NELL1: variants seen among roughly 807,000 people sequenced by gnomAD.
The protein encoded by NELL1 is neural EGFL like 1, also known as protein kinase C-binding protein NELL1.
NELL1 carries 76 observed loss-of-function variants against 107.4 expected under a neutral mutation model. The ratio of observed to expected loss-of-function variants is 0.71; its 90% CI spans 0.59 to 0.86. The LOEUF is 0.86. NELL1 is among the 40% of genes least tolerant of loss of function. The probability of loss-of-function intolerance (pLI) is 0.00; values close to 1 mark genes in which losing one functional copy is unlikely to be tolerated. For synonymous variants in NELL1, 353 were observed against 341.2 expected, an observed-to-expected ratio of 1.03 and a Z score of -0.38; for missense variants, 1,024 against 1,005.5, an observed-to-expected ratio of 1.02 and a Z score of -0.25.
chr11:21,041,623 C>A (rs778163353), intron 12 of NELL1, among the ~76,000 whole-genome samples: 1 of 152,058 alleles, frequency 6.6e-6, no homozygotes, highest in Non-Finnish European at 1.5e-5. Flanking sequence ...GGGTCTGATT[C>A]AAAAATTCAA....
At chr11:21,137,282 G>C (rs1284774648) in intron 13 of NELL1, among the ~76,000 whole-genome samples, 1 of 152,228 alleles carries the variant, frequency 6.6e-6, no homozygotes, top group East Asian at 1.9e-4. Context: ...CCCATGTAGA[G>C]ACCTGGAGGT....
Position 20,730,726 on chromosome 11 carries a change from A to C in NELL1, c.184+52666A>C, listed in dbSNP as rs1472603934. On this transcript the variant is annotated intron_variant, in intron 2 of 19. Coordinates refer to ENST00000357134, the MANE Select transcript of NELL1 (RefSeq NM_006157.5). The stretch of plus-strand genomic sequence containing the variant: ...GTGAAAGCCAGCAAGGTTTGGGATC[A>C]TTTAACCTTGAGAGCAGCAGACTGA... Among the ~76,000 whole-genome samples, 5 of 152,314 alleles carry C rather than the reference A, an allele frequency of 3.3e-5. No individual in the cohort carries two copies. In the South Asian group the frequency reaches 8.3e-4, roughly 25 times the overall value.
Position 20,913,329 on chromosome 11 carries a change from G to A in NELL1, c.604-4853G>A, listed in dbSNP as rs1236624192. 2.6e-5 allele frequency among the ~76,000 whole-genome samples: 4 copies of A among 152,056 alleles called. No individual in the cohort carries two copies. In the East Asian group the frequency reaches 5.8e-4, roughly 22 times the overall value. ...TTTTCTTCAATGTAAACAGAGATCT[G>A]CAGGGAAATAAGAGCGTTAAAAAAG... On this transcript the variant is annotated intron_variant, in intron 5 of 19. Coordinates refer to ENST00000357134, the MANE Select transcript of NELL1 (RefSeq NM_006157.5).
chr11:20,722,487 T>C (rs1048702368), intron 2 of NELL1, among the ~76,000 whole-genome samples: 2 of 152,196 alleles, frequency 1.3e-5, no homozygotes, highest in Admixed American at 6.5e-5. Context: ...AGTACACATT[T>C]TGTAGGGTTA....
intron 12 of NELL1, among the ~76,000 whole-genome samples, chr11:21,051,765 A>G (rs1470453857): frequency 6.6e-6 from 1 of 152,182 alleles, no homozygotes; most frequent in African/African-American, 2.4e-5. Flanking sequence ...CTCCTGGCAC[A>G]TTCTTTCATT....
intron 14 of NELL1, among the ~76,000 whole-genome samples, chr11:21,334,096 G>A (rs541884685): frequency 6.6e-6 from 1 of 151,954 alleles, no homozygotes; most frequent in South Asian, 2.1e-4. Context: ...CACTGTGTTT[G>A]GTACTGAGGA....
At chr11:21,570,024 C>A (rs910895539) in intron 17 of NELL1, among the ~76,000 whole-genome samples, 1 of 151,780 alleles carries the variant, frequency 6.6e-6, no homozygotes, top group African/African-American at 2.4e-5. Context: ...AAAAGACATG[C>A]TGCAAAATGT....
chr11:21,425,637 A>G (rs1236309468), intron 15 of NELL1, among the ~76,000 whole-genome samples: 2 of 152,212 alleles, frequency 1.3e-5, no homozygotes, highest in African/African-American at 2.4e-5. Context: ...CAATTGTGCT[A>G]TAGAGCCCCG....
intron 2 of NELL1, among the ~76,000 whole-genome samples, chr11:20,776,879 A>G (rs953393449): frequency 2.0e-5 from 3 of 152,218 alleles, no homozygotes; most frequent in Non-Finnish European, 2.9e-5. Context: ...TCCACTCGTC[A>G]TGTGACCTTG....
chr11:21,291,536 A>T (rs575942047), intron 14 of NELL1, among the ~76,000 whole-genome samples: 1 of 152,186 alleles, frequency 6.6e-6, no homozygotes, highest in East Asian at 1.9e-4. Flanking sequence ...TTTTCCAAAC[A>T]ATAGAAAAAT....
At chr11:21,350,949 G>A (rs546036946) in intron 14 of NELL1, among the ~76,000 whole-genome samples, 11 of 152,142 alleles carry the variant, frequency 7.2e-5, no homozygotes, top group South Asian at 2.1e-4. Flanking sequence ...GACCTTTACC[G>A]GTGTAGTTAA....
intron 14 of NELL1, among the ~76,000 whole-genome samples, chr11:21,266,060 C>T (rs1019724562): frequency 3.9e-5 from 6 of 151,988 alleles, no homozygotes; most frequent in East Asian, 3.9e-4. Context: ...ACTAGCCCCT[C>T]CTTAAGATTG....
chr11:21,075,797 A>G (rs117793326), intron 12 of NELL1, among the ~76,000 whole-genome samples: 1,909 of 152,316 alleles, frequency 0.013, 17 homozygotes, highest in Middle Eastern at 0.034. Flanking sequence ...TCTTGAATTC[A>G]TAAGAATGTA....
At chr11:21,196,403 C>T (rs567320205) in intron 13 of NELL1, among the ~76,000 whole-genome samples, 8 of 152,288 alleles carry the variant, frequency 5.3e-5, no homozygotes, top group Non-Finnish European at 8.8e-5. Context: ...TCTCACTCCA[C>T]TTCTGCTTCC....
intron 16 of NELL1, among the ~76,000 whole-genome samples, chr11:21,557,945 G>A (rs556552302): frequency 7.2e-4 from 110 of 152,098 alleles, no homozygotes; most frequent in Non-Finnish European, 1.1e-3. Flanking sequence ...CCCTCAATGA[G>A]CTCACTCTCT....
chr11:21,358,737 GT>G (rs1172035008), intron 14 of NELL1, among the ~76,000 whole-genome samples: 96 of 151,444 alleles, frequency 6.3e-4, no homozygotes, highest in Non-Finnish European at 9.0e-4. Context: ...TGTTGTTGTT[GT>G]TGTTGTTGCA....
At chr11:21,149,105 C>T (rs1856052815) in intron 13 of NELL1, among the ~76,000 whole-genome samples, 1 of 152,044 alleles carries the variant, frequency 6.6e-6, no homozygotes, top group South Asian at 2.1e-4. Context: ...AAAATATAAC[C>T]ATATTATTGT....
At chr11:21,418,557 A>G (rs940426649) in intron 15 of NELL1, among the ~76,000 whole-genome samples, 1 of 152,106 alleles carries the variant, frequency 6.6e-6, no homozygotes, top group Non-Finnish European at 1.5e-5. Context: ...ATATTAGCAC[A>G]GTGCTAATTG....
intron 15 of NELL1, among the ~76,000 whole-genome samples, chr11:21,418,766 T>C (rs184505324): frequency 6.3e-4 from 96 of 152,252 alleles, no homozygotes; most frequent in African/African-American, 2.2e-3. Context: ...TTAAAGCCAT[T>C]GCATAGTTCA....
Sources: allele counts gnomAD v4.1 joint callset (sites outside exome capture counted in the v4.1 genomes callset), GRCh38; gene constraint gnomAD v4.1.1; transcripts MANE v1.5; gene names NCBI Gene and HGNC (gene_info 2026-07-23, HGNC 2026-07-21).